The following FBXO4 variants were observed in gnomAD, a reference collection of about 807,000 sequenced individuals.
FBXO4 encodes F-box protein 4.
A neutral mutation model predicts 43.7 loss-of-function variants in FBXO4; 36 were observed. The observed-to-expected ratio is 0.82, with a 90% CI of 0.63 to 1.09. The LOEUF is 1.09. Ranked by LOEUF, FBXO4 falls within the 50% of genes least tolerant of loss-of-function variation. The pLI is 0.00. For missense variants in FBXO4, 435 were observed against 474.1 expected (o/e 0.92, Z 0.77); for synonymous variants, 180 against 165.6 (o/e 1.09, Z -0.67).
the FBXO4 span, among the ~76,000 whole-genome samples, chr5:42,014,420 C>T: frequency 1.3e-5 from 2 of 152,128 alleles, no homozygotes; most frequent in Non-Finnish European, 2.9e-5. Flanking sequence ...CGCTCTTTCA[C>T]TGTGCATATT....
chr5:41,932,832 C>A (rs1396890203), intron 3 of FBXO4, among the ~76,000 whole-genome samples: 4 of 152,072 alleles, frequency 2.6e-5, no homozygotes, highest in African/African-American at 9.7e-5. Flanking sequence ...GAAGTAGAGC[C>A]ATGGAAGCCC....
chr5:41,999,486 T>TATACAC, the FBXO4 span, among the ~76,000 whole-genome samples: 1 of 100,006 alleles, frequency 1.0e-5, no homozygotes, highest in South Asian at 2.6e-4. Flanking sequence ...TACACATATA[T>TATACAC]ATATATACAT....
chr5:41,952,899 A>AAAGT, the FBXO4 span, among the ~76,000 whole-genome samples: 1 of 151,968 alleles, frequency 6.6e-6, no homozygotes, highest in Non-Finnish European at 1.5e-5. Context: ...TTTCTCTGCT[A>AAAGT]AAGTTTTTCC....
the FBXO4 span, among the ~76,000 whole-genome samples, chr5:41,965,824 G>A: frequency 8.3e-4 from 127 of 152,246 alleles, 1 homozygote; most frequent in Middle Eastern, 6.8e-3. Context: ...ATTATAAATC[G>A]TGCTGCTATA....
chr5:41,978,187 C>G, the FBXO4 span, among the ~76,000 whole-genome samples: 2 of 152,060 alleles, frequency 1.3e-5, no homozygotes, highest in Admixed American at 6.6e-5. Context: ...AACAACCACA[C>G]CTCTTTTGAA....
chr5:41,991,426 T>C, the FBXO4 span, among the ~76,000 whole-genome samples: 1 of 152,200 alleles, frequency 6.6e-6, no homozygotes, highest in Non-Finnish European at 1.5e-5. Flanking sequence ...CTTAATCCTG[T>C]GAGGTCTTTT....
At chr5:42,034,070 A>G in the FBXO4 span, among the ~76,000 whole-genome samples, 4 of 152,230 alleles carry the variant, frequency 2.6e-5, no homozygotes, top group African/African-American at 9.6e-5. Flanking sequence ...CTGGTATAAG[A>G]TGGTATCTCA....
chr5:42,015,455 G>T, the FBXO4 span, among the ~76,000 whole-genome samples: 12 of 152,320 alleles, frequency 7.9e-5, no homozygotes, highest in Admixed American at 2.0e-4. Flanking sequence ...AGGGGACTTT[G>T]TCTTCTTCCC....
At chr5:41,934,796 T>G in intron 5 of FBXO4, 1 of 998,856 alleles carries the variant, frequency 1.0e-6, no homozygotes, top group Non-Finnish European at 1.2e-6. Flanking sequence ...GTAGATTAGT[T>G]GAGAACACTA....
chr5:41,966,965 A>G, the FBXO4 span, among the ~76,000 whole-genome samples: 12,118 of 152,224 alleles, frequency 0.08, 694 homozygotes, highest in African/African-American at 0.16. Flanking sequence ...AATGCTTCCT[A>G]GTGAGGTACT....
the FBXO4 span, among the ~76,000 whole-genome samples, chr5:42,035,119 C>A: frequency 6.6e-6 from 1 of 151,744 alleles, no homozygotes; most frequent in Non-Finnish European, 1.5e-5. Context: ...TGGGTCTCTG[C>A]TTGTCTGTTG....
the FBXO4 span, among the ~76,000 whole-genome samples, chr5:42,007,380 G>T: frequency 3.3e-5 from 5 of 152,020 alleles, no homozygotes; most frequent in African/African-American, 4.8e-5. Flanking sequence ...CAAATAATTT[G>T]TATTAAAAGT....
chr5:42,017,820 G>A, the FBXO4 span, among the ~76,000 whole-genome samples: 35 of 151,076 alleles, frequency 2.3e-4, no homozygotes, highest in East Asian at 1.9e-4. Flanking sequence ...GCTATGCACC[G>A]CATTTTCTTT....
intron 3 of FBXO4, among the ~76,000 whole-genome samples, chr5:41,931,149 C>A (rs190655156): frequency 1.3e-5 from 2 of 152,086 alleles, no homozygotes; most frequent in African/African-American, 4.8e-5. Context: ...TACTCAGGCT[C>A]TTGAGTGAAG....
At chr5:41,969,719 TGAAG>T in the FBXO4 span, among the ~76,000 whole-genome samples, 1 of 152,182 alleles carries the variant, frequency 6.6e-6, no homozygotes, top group African/African-American at 2.4e-5. Context: ...ATTTTCCTGG[TGAAG>T]CACCTCTTGG....
chr5:42,017,581 T>G, the FBXO4 span, among the ~76,000 whole-genome samples: 3 of 146,464 alleles, frequency 2.0e-5, no homozygotes, highest in Non-Finnish European at 4.5e-5. Context: ...TTTCAACCCT[T>G]GTCCCCCTCT....
chr5:41,955,754 A>G, the FBXO4 span, among the ~76,000 whole-genome samples: 3 of 152,204 alleles, frequency 2.0e-5, no homozygotes, highest in South Asian at 6.2e-4. Flanking sequence ...GTGCATGAGT[A>G]GGAGAAAACT....
chr5:42,030,492 A>G, the FBXO4 span, among the ~76,000 whole-genome samples: 1 of 152,154 alleles, frequency 6.6e-6, no homozygotes, highest in Non-Finnish European at 1.5e-5. Flanking sequence ...TAGACCTAAA[A>G]CCATAAAAAC....
At chr5:42,001,385 A>T in the FBXO4 span, among the ~76,000 whole-genome samples, 1 of 152,152 alleles carries the variant, frequency 6.6e-6, no homozygotes, top group African/African-American at 2.4e-5. Flanking sequence ...ACACGCCACC[A>T]TGCGCAGCTC....
Sources: gnomAD v4.1 joint callset for allele counts (sites outside exome capture counted in the v4.1 genomes callset) on GRCh38, gnomAD v4.1.1 for gene constraint, MANE v1.5 for transcripts, NCBI Gene and HGNC (gene_info 2026-07-23, HGNC 2026-07-21) for gene names.